DENND2B: variants seen among roughly 807,000 people sequenced by gnomAD.
DENND2B encodes DENN domain-containing protein 2B.
DENND2B carries 32 observed loss-of-function variants against 116.0 expected under a neutral mutation model. The observed-to-expected ratio is 0.28, with a 90% CI of 0.21 to 0.37. The LOEUF is 0.37. DENND2B is among the 10% of genes least tolerant of loss of function. The pLI is 1.00. For synonymous variants in DENND2B, 588 were observed against 583.9 expected (o/e 1.01, Z -0.10); for missense variants, 1,276 against 1,477.7 (o/e 0.86, Z 2.24).
rs758709167 is a variant in DENND2B, at chr11:8,707,893, C to T, written c.2353-39G>A. On this transcript the variant is annotated intron_variant, in intron 11 of 19. Coordinates refer to ENST00000313726, the MANE Select transcript of DENND2B (RefSeq NM_213618.2). The surrounding 1 kb of genome is among the most constrained non-coding windows in gnomAD (Gnocchi z 4.8). ...AGGAGGAGGAGGAGAGAGACAGACA[C>T]AGAGAATGCATGATTACCATTTCTG... 2.5e-6 allele frequency: 4 copies of T among 1,583,986 alleles called. No homozygotes were observed. The highest frequency in any genetic ancestry group is 3.4e-6 in the Non-Finnish European group (4 of 1,165,448).
chr11:8,790,043 T>C (rs1736115631), intron 1 of DENND2B, among the ~76,000 whole-genome samples: 2 of 152,166 alleles, frequency 1.3e-5, no homozygotes, highest in Non-Finnish European at 2.9e-5. Flanking sequence ...CACTCCTCAA[T>C]CTACCCTGCC....
intron 4 of DENND2B, among the ~76,000 whole-genome samples, chr11:8,825,176 A>C (rs552736455): frequency 6.6e-6 from 1 of 152,146 alleles, no homozygotes; most frequent in South Asian, 2.1e-4. Flanking sequence ...CCACAACCTT[A>C]CCAGCACCTA....
intron 4 of DENND2B, among the ~76,000 whole-genome samples, chr11:8,828,297 C>CCTCTTCCAGA (rs1486457847): frequency 6.6e-6 from 1 of 152,192 alleles, no homozygotes; most frequent in East Asian, 1.9e-4. Context: ...GGACACAGAG[C>CCTCTTCCAGA]AGTGCACCTT....
chr11:8,854,304 C>G (rs1469098957), intron 3 of DENND2B, among the ~76,000 whole-genome samples: 1 of 152,026 alleles, frequency 6.6e-6, no homozygotes, highest in African/African-American at 2.4e-5. Context: ...TGGGTTCAAG[C>G]AATTCTCCTG....
At chr11:8,905,048 T>C (rs549251493) in intron 1 of DENND2B, among the ~76,000 whole-genome samples, 2 of 152,206 alleles carry the variant, frequency 1.3e-5, no homozygotes, top group Non-Finnish European at 2.9e-5. Context: ...GTTGACAAAC[T>C]GAATTTAAAT....
intron 1 of DENND2B, among the ~76,000 whole-genome samples, chr11:8,783,106 G>C (rs537491487): frequency 6.8e-6 from 1 of 146,130 alleles, no homozygotes; most frequent in Admixed American, 7.0e-5. Context: ...CCAGATTGGA[G>C]TGCAGTGGCA....
At chr11:8,721,189 G>C (rs1408963433) in intron 4 of DENND2B, among the ~76,000 whole-genome samples, 2 of 151,454 alleles carry the variant, frequency 1.3e-5, no homozygotes, top group African/African-American at 4.9e-5. Flanking sequence ...GGGATTATCA[G>C]AGCCCAAAGG....
intron 4 of DENND2B, among the ~76,000 whole-genome samples, chr11:8,829,875 C>T (rs2062136245): frequency 6.6e-6 from 1 of 152,192 alleles, no homozygotes; most frequent in African/African-American, 2.4e-5. Context: ...TGAAAAAGTG[C>T]TTTGAAAAGT....
chr11:8,757,800 C>G (rs1448640397), intron 1 of DENND2B, among the ~76,000 whole-genome samples: 1 of 152,178 alleles, frequency 6.6e-6, no homozygotes, highest in Admixed American at 6.5e-5. Flanking sequence ...GATTTATGAC[C>G]AGGTGGCCTG....
intron 1 of DENND2B, among the ~76,000 whole-genome samples, chr11:8,755,364 CAA>C (rs772798282): frequency 6.6e-6 from 1 of 152,192 alleles, no homozygotes; most frequent in Non-Finnish European, 1.5e-5. Flanking sequence ...AAAAATAAGT[CAA>C]GTCCTAATTC....
intron 4 of DENND2B, among the ~76,000 whole-genome samples, chr11:8,818,611 C>T (rs1312513119): frequency 6.6e-6 from 1 of 152,146 alleles, no homozygotes; most frequent in East Asian, 1.9e-4. Flanking sequence ...CAGTACTCCT[C>T]AGAACAGGCT....
intron 1 of DENND2B, among the ~76,000 whole-genome samples, chr11:8,908,150 G>C (rs2064262803): frequency 6.6e-6 from 1 of 152,236 alleles, no homozygotes; most frequent in Non-Finnish European, 1.5e-5. Flanking sequence ...GGAATTGAAA[G>C]GCTATTGGGA....
upstream of DENND2B, among the ~76,000 whole-genome samples, chr11:8,812,263 T>C (rs959837152): frequency 2.0e-5 from 3 of 152,274 alleles, no homozygotes; most frequent in Admixed American, 2.0e-4. Context: ...AGAATCCTTG[T>C]AAGTTGTGGC....
At chr11:8,888,986 T>C (rs1233037588) in intron 1 of DENND2B, among the ~76,000 whole-genome samples, 1 of 152,112 alleles carries the variant, frequency 6.6e-6, no homozygotes, top group Non-Finnish European at 1.5e-5. Context: ...GGTGGGAATA[T>C]AAAGTGGTAT....
In DENND2B at chr11:8,731,214, G is replaced by C; in HGVS notation, c.81-5C>G. 2.0e-6 allele frequency: 3 copies of C among 1,483,772 alleles called. No homozygotes were observed. The highest frequency in any genetic ancestry group is 2.7e-6 in the Non-Finnish European group (3 of 1,116,352). 91.9% of individuals were successfully genotyped at this position (1,483,772 alleles called of 1,614,324 possible). A position where few individuals can be genotyped will look rare whatever the true frequency, so the allele number is the denominator to read the frequency against. ...GGTGGAGAGACTGACTGAGACCTGG[G>C]GGCAAAACAAAACAAAGGAAAAGAA... is the stretch of plus-strand genomic sequence containing the variant. On this transcript the variant is annotated splice_polypyrimidine_tract_variant and splice_region_variant and intron_variant, in intron 2 of 19. Transcript: ENST00000313726.
intron 1 of DENND2B, among the ~76,000 whole-genome samples, chr11:8,893,465 T>C (rs535976870): frequency 1.3e-5 from 2 of 152,324 alleles, no homozygotes; most frequent in East Asian, 1.9e-4. Flanking sequence ...ATTGTCCCTG[T>C]TTGCAGATGA....
intron 4 of DENND2B, among the ~76,000 whole-genome samples, chr11:8,837,535 A>AT (rs1415423181): frequency 6.6e-6 from 1 of 151,948 alleles, no homozygotes; most frequent in African/African-American, 2.4e-5. Context: ...TTTAGTAGAG[A>AT]TGGGGTGTCA....
In DENND2B at chr11:8,730,521, C is replaced by G; in HGVS notation, c.769G>C (p.Glu257Gln). The G allele has an allele frequency of 6.2e-7, 1 of 1,613,082 alleles. No individual in the cohort carries two copies. Among genetic ancestry groups the G allele is most frequent in the Non-Finnish European group, 8.5e-7 (1 of 1,180,038 alleles). The change falls in exon 3 of 20, where the codon GAG becomes CAG. Residue 257 changes from glutamate (E) to glutamine (Q), a missense_variant. Transcript: ENST00000313726. The surrounding 1 kb of genome is among the most constrained non-coding windows in gnomAD (Gnocchi z 4.1). ...GGCTCACTCCGGCCCAGCCGTTTCT[C>G]CAGCCGGTAGAAAGAGTCCCGGACA... ...LPVRDSFYRL[E>Q]KRLGRSEPSA...
intron 1 of DENND2B, chr11:8,783,994 T>C (rs1349312039): frequency 6.6e-6 from 1 of 152,154 alleles, no homozygotes; most frequent in Non-Finnish European, 1.5e-5. Flanking sequence ...CCATACAAAA[T>C]TTTAATACGT....
Sources: allele counts gnomAD v4.1 joint callset (sites outside exome capture counted in the v4.1 genomes callset), GRCh38; gene constraint gnomAD v4.1.1; non-coding constraint Gnocchi (gnomAD v3.1); transcripts MANE v1.5; gene names NCBI Gene and HGNC (gene_info 2026-07-23, HGNC 2026-07-21).